GRM7: variants seen among roughly 807,000 people sequenced by gnomAD.
GRM7 encodes glutamate metabotropic receptor 7.
In GRM7, 35 loss-of-function variants were observed where a neutral mutation model predicts 84.5. The observed-to-expected ratio is 0.41, with a 90% confidence interval of 0.32 to 0.55. The LOEUF (loss-of-function observed/expected upper bound fraction) is 0.55. Ranked by LOEUF, GRM7 falls within the 20% of genes least tolerant of loss-of-function variation. The pLI is 0.19. For missense variants in GRM7, 1,003 were observed against 1,194.6 expected (o/e 0.84, Z 2.36); for synonymous variants, 487 against 455.1 (o/e 1.07, Z -0.89).
chr3:7,305,205 C>T (rs1015408289), intron 3 of GRM7, among the ~76,000 whole-genome samples: 2 of 152,158 alleles, frequency 1.3e-5, no homozygotes, highest in African/African-American at 2.4e-5. Flanking sequence ...CCCTCCCATC[C>T]CCATCTGCAG....
At chr3:6,940,944 C>T (rs1697871267) in intron 1 of GRM7, among the ~76,000 whole-genome samples, 1 of 152,166 alleles carries the variant, frequency 6.6e-6, no homozygotes, top group African/African-American at 2.4e-5. Flanking sequence ...AAATCGATGT[C>T]CACATGGGTT....
chr3:7,275,339 A>G (rs993219157), intron 2 of GRM7, among the ~76,000 whole-genome samples: 1 of 152,104 alleles, frequency 6.6e-6, no homozygotes, highest in African/African-American at 2.4e-5. Context: ...AGTTTGTCTT[A>G]TAATTCTTTC....
intron 7 of GRM7, among the ~76,000 whole-genome samples, chr3:7,523,152 G>A (rs780237594): frequency 1.2e-4 from 19 of 152,050 alleles, no homozygotes; most frequent in East Asian, 9.6e-4. Context: ...AGACATTCAC[G>A]TTTCTTTTCC....
At chr3:7,147,838 G>A (rs1050159034) in intron 2 of GRM7, among the ~76,000 whole-genome samples, 4 of 152,032 alleles carry the variant, frequency 2.6e-5, no homozygotes, top group Non-Finnish European at 5.9e-5. Context: ...GTCAAGTCTC[G>A]CTCTAACCAC....
intron 1 of GRM7, among the ~76,000 whole-genome samples, chr3:7,040,925 C>T (rs1372877476): frequency 5.9e-5 from 9 of 151,534 alleles, no homozygotes; most frequent in Admixed American, 3.9e-4. Context: ...TCTACAAAAA[C>T]AAACAAAATT....
At chr3:7,726,953 A>G (rs1702153439) in intron 9 of GRM7, among the ~76,000 whole-genome samples, 1 of 151,768 alleles carries the variant, frequency 6.6e-6, no homozygotes, top group South Asian at 2.1e-4. Flanking sequence ...CAGTCTCATC[A>G]CATTTTGTTT....
chr3:7,245,225 G>T (rs1158271083), intron 2 of GRM7, among the ~76,000 whole-genome samples: 1 of 151,718 alleles, frequency 6.6e-6, no homozygotes, highest in East Asian at 1.9e-4. Flanking sequence ...AAGATAAAAG[G>T]GACAGAAAAT....
chr3:6,981,139 C>A (rs1694182750), intron 1 of GRM7, among the ~76,000 whole-genome samples: 1 of 151,958 alleles, frequency 6.6e-6, no homozygotes, highest in Admixed American at 6.6e-5. Context: ...TAACCAAAAC[C>A]CTGAAGGATA....
At chr3:7,451,040 C>T (rs1333291150) in intron 5 of GRM7, among the ~76,000 whole-genome samples, 2 of 151,870 alleles carry the variant, frequency 1.3e-5, no homozygotes, top group Non-Finnish European at 2.9e-5. Context: ...TTGTAGAACT[C>T]TTATTGTGAG....
At chr3:7,481,113 C>G (rs1319903199) in intron 7 of GRM7, among the ~76,000 whole-genome samples, 4 of 151,056 alleles carry the variant, frequency 2.6e-5, no homozygotes, top group Non-Finnish European at 5.9e-5. Flanking sequence ...GGATCTTGCT[C>G]TATTACCCAG....
chr3:7,623,176 A>G (rs1452108969), intron 8 of GRM7, among the ~76,000 whole-genome samples: 1 of 152,108 alleles, frequency 6.6e-6, no homozygotes, highest in Non-Finnish European at 1.5e-5. Flanking sequence ...CTGAAGGATG[A>G]TGTGCATCCA....
chr3:7,624,011 A>G (rs1336822733), intron 8 of GRM7, among the ~76,000 whole-genome samples: 6 of 152,166 alleles, frequency 3.9e-5, no homozygotes. Context: ...ATGGATGAAC[A>G]TCTGTGGCCT....
chr3:7,139,107 A>G (rs1186610505), intron 1 of GRM7, among the ~76,000 whole-genome samples: 1 of 147,708 alleles, frequency 6.8e-6, no homozygotes, highest in African/African-American at 2.5e-5. Flanking sequence ...TCTATAATAT[A>G]ATATACTATA....
At chr3:7,537,951 C>T (rs1178428446) in intron 7 of GRM7, among the ~76,000 whole-genome samples, 3 of 152,096 alleles carry the variant, frequency 2.0e-5, no homozygotes, top group Admixed American at 1.3e-4. Context: ...CCGCTCCCCA[C>T]CAGAATAGTC....
At chr3:7,103,069 C>T (rs913311937) in intron 1 of GRM7, among the ~76,000 whole-genome samples, 3 of 151,646 alleles carry the variant, frequency 2.0e-5, no homozygotes, top group Non-Finnish European at 4.4e-5. Context: ...ATTTTCTTTC[C>T]CTCTTGATAA....
intron 5 of GRM7, among the ~76,000 whole-genome samples, chr3:7,432,635 A>G (rs1234580532): frequency 1.8e-5 from 1 of 54,278 alleles, no homozygotes; most frequent in African/African-American, 6.2e-5. Context: ...CATCTAGTTT[A>G]AAAAAAAAAA....
intron 1 of GRM7, among the ~76,000 whole-genome samples, chr3:7,050,961 A>G (rs1222013943): frequency 6.6e-6 from 1 of 151,858 alleles, no homozygotes; most frequent in East Asian, 1.9e-4. Flanking sequence ...TACATTGTGT[A>G]AGCTCCACAG....
chr3:7,165,384 C>G (rs1213776419), intron 2 of GRM7, among the ~76,000 whole-genome samples: 2 of 152,228 alleles, frequency 1.3e-5, no homozygotes, highest in African/African-American at 4.8e-5. Context: ...ATTAAACTAT[C>G]AGAGTAATAT....
intron 1 of GRM7, among the ~76,000 whole-genome samples, chr3:6,954,029 T>G (rs1692910280): frequency 6.6e-6 from 1 of 151,826 alleles, no homozygotes; most frequent in Admixed American, 6.6e-5. Context: ...ATTGAAAAAG[T>G]TAAGCTCGTA....
Sources: gnomAD v4.1 joint callset for allele counts (sites outside exome capture counted in the v4.1 genomes callset) on GRCh38, gnomAD v4.1.1 for gene constraint, MANE v1.5 for transcripts, NCBI Gene and HGNC (gene_info 2026-07-23, HGNC 2026-07-21) for gene names.